SEMA3F: variants seen among roughly 807,000 people sequenced by gnomAD.
SEMA3F encodes the protein semaphorin-3F.
In SEMA3F, 30 loss-of-function variants were observed where a neutral mutation model predicts 98.5. That is an observed-to-expected ratio of 0.30 (90% CI 0.23 to 0.41). The LOEUF is 0.41. Ranked by LOEUF, SEMA3F falls within the 10% of genes least tolerant of loss-of-function variation. SEMA3F has a pLI of 1.00. For synonymous variants in SEMA3F, 380 were observed against 444.8 expected (o/e 0.85, Z 1.83); for missense variants, 866 against 1,119.3 (o/e 0.77, Z 3.23).
rs1427129629 is a variant in SEMA3F at position 50,184,706 on chromosome 3, C to T, written c.1348C>T (p.Arg450Trp). ...GTACCAGGCCGTGTACCCTCTGCAGCGGCGGCCCCTGGTAGTCCGCACAGG... is the reference window on the plus strand; with the variant it reads ...GTACCAGGCCGTGTACCCTCTGCAGTGGCGGCCCCTGGTAGTCCGCACAGG... Reference protein sequence around the residue: ...LMYQAVYPLQRRPLVVRTGAP... With the variant: ...LMYQAVYPLQWRPLVVRTGAP... The change falls in exon 13 of 19, where the codon CGG becomes TGG. Residue 450 changes from arginine to tryptophan, a missense_variant. Coordinates refer to ENST00000002829, the MANE Select transcript of SEMA3F (RefSeq NM_004186.5). The T allele has an allele frequency of 6.2e-6, 10 of 1,613,958 alleles. No homozygotes were observed. Among genetic ancestry groups the T allele is most frequent in the South Asian group, 4.4e-5 (4 of 91,088 alleles).
At chr3:50,169,597 G>A (rs949045145) in intron 2 of SEMA3F, among the ~76,000 whole-genome samples, 2 of 152,142 alleles carry the variant, frequency 1.3e-5, no homozygotes, top group Non-Finnish European at 2.9e-5. Context: ...CTCCCCCTAA[G>A]GTCAAAGCTT....
intron 6 of SEMA3F, among the ~76,000 whole-genome samples, chr3:50,176,035 C>T (rs1031177927): frequency 1.3e-5 from 2 of 152,024 alleles, no homozygotes; most frequent in Admixed American, 1.3e-4. Flanking sequence ...CTCTTGTGGC[C>T]TCTGTGCTCA....
At chr3:50,159,771 T>C in intron 2 of SEMA3F, 37 bp downstream of exon 2, 1 of 1,383,224 alleles carries the variant, frequency 7.2e-7, no homozygotes, top group Non-Finnish European at 1.0e-6. Flanking sequence ...GAAATCATCC[T>C]CTCTTTACAA....
chr3:50,183,471 C>T lies in SEMA3F; in HGVS notation c.1140C>T (p.Arg380=). Reference sequence around the variant, plus strand: ...GTGTCTACTCCATGGCTGATATTCGCATGGTCTTCAACGGGCCCTTTGCCC... The same window carrying T: ...GTGTCTACTCCATGGCTGATATTCGTATGGTCTTCAACGGGCCCTTTGCCC... ...AVCVYSMADI[R]MVFNGPFAHK... Residue 380 remains arginine (R), a synonymous_variant, in exon 12 of 19, where the codon CGC becomes CGT. Coordinates refer to ENST00000002829, the MANE Select transcript of SEMA3F (RefSeq NM_004186.5). 1 of 1,614,154 alleles carries T rather than the reference C, an allele frequency of 6.2e-7. No homozygotes were observed. The highest frequency in any genetic ancestry group is 1.3e-5 in the African/African-American group (1 of 75,068).
chr3:50,163,476 T>C (rs1698290177), intron 2 of SEMA3F, among the ~76,000 whole-genome samples: 1 of 152,258 alleles, frequency 6.6e-6, no homozygotes, highest in South Asian at 2.1e-4. Context: ...TCACATCATT[T>C]GCATGTGGCA....
At position 50,174,237 on chromosome 3, in the gene SEMA3F, T is replaced by C; in HGVS notation, c.343T>C (p.Cys115Arg). 1 of 1,613,500 alleles carries C rather than the reference T, an allele frequency of 6.2e-7. No individual in the cohort carries two copies. Among genetic ancestry groups the C allele is most frequent in the Non-Finnish European group, 8.5e-7 (1 of 1,179,912 alleles). Residue 115 changes from cysteine (C) to arginine (R), a missense_variant, in exon 5 of 19, where the codon TGT becomes CGT. Cys to Arg is a radical substitution (Grantham distance 180, BLOSUM62 -3). This residue lies in a region of SEMA3F where 247 missense variants were observed against 276.0 expected (regional missense o/e 0.89). Coordinates refer to ENST00000002829, the MANE Select transcript of SEMA3F (RefSeq NM_004186.5). ...GCCTTCCCTGTGGCCCCAGGGCGAGTGTGGGAACTTCGTCAGGCTCATCCA... is the reference window on the plus strand; with the variant it reads ...GCCTTCCCTGTGGCCCCAGGGCGAGCGTGGGAACTTCGTCAGGCTCATCCA... Reference protein sequence around the residue: ...VLSGKDVNGECGNFVRLIQPW... With the variant: ...VLSGKDVNGERGNFVRLIQPW...
intron 2 of SEMA3F, among the ~76,000 whole-genome samples, chr3:50,161,635 C>G (rs959673522): frequency 6.6e-6 from 1 of 152,226 alleles, no homozygotes; most frequent in East Asian, 1.9e-4. Flanking sequence ...TTCCCTGTTC[C>G]GACCTGGTCT....
intron 2 of SEMA3F, among the ~76,000 whole-genome samples, chr3:50,164,955 A>T (rs538314627): frequency 1.3e-5 from 2 of 152,236 alleles, no homozygotes; most frequent in African/African-American, 4.8e-5. Context: ...AGCGATCCTG[A>T]GGCTGGTGTG....
In SEMA3F at chr3:50,174,038, C is replaced by T; in HGVS notation, c.274-14C>T. 1 of 1,614,032 alleles carries T rather than the reference C, an allele frequency of 6.2e-7. No homozygotes were observed. The highest frequency in any genetic ancestry group is 8.5e-7 in the Non-Finnish European group (1 of 1,180,024). ...TGTCCAGAAGGCTGCACCTTCTGAC[C>T]CCCCTCTCTGCAGATACACTGGGCA... On this transcript the variant is annotated splice_polypyrimidine_tract_variant and intron_variant, in intron 3 of 18. Coordinates refer to ENST00000002829, the MANE Select transcript of SEMA3F (RefSeq NM_004186.5).
chr3:50,163,551 G>A (rs931497949), intron 2 of SEMA3F, among the ~76,000 whole-genome samples: 30 of 152,384 alleles, frequency 2.0e-4, no homozygotes, highest in African/African-American at 4.8e-4. Context: ...GTCACAGCCC[G>A]TTGACTTCCC....
chr3:50,173,907 A>G lies in SEMA3F; in HGVS notation c.227A>G (p.Tyr76Cys). 1 of 1,614,168 alleles carries G rather than the reference A, an allele frequency of 6.2e-7. No individual in the cohort carries two copies. The highest frequency in any genetic ancestry group is 8.5e-7 in the Non-Finnish European group (1 of 1,180,028). The change falls in exon 3 of 19, where the codon TAC becomes TGC. Residue 76 changes from tyrosine to cysteine, a missense_variant. Coordinates refer to ENST00000002829, the MANE Select transcript of SEMA3F (RefSeq NM_004186.5). ...CGCATGTACGTGGGCAGCAAGGACT[A>G]CGTGCTGTCCCTGGACCTGCACGAC... is the stretch of plus-strand genomic sequence containing the variant. ...HDRMYVGSKD[Y>C]VLSLDLHDIN...
Position 50,182,451 on chromosome 3 carries a change from G to A in SEMA3F, c.763+48G>A, listed in dbSNP as rs751187001. 31 of 1,609,138 alleles carry A rather than the reference G, an allele frequency of 1.9e-5. No homozygotes were observed. The highest frequency in any genetic ancestry group is 6.7e-5 in the Admixed American group (4 of 60,010). ...TTCCGTGGCCATGTGTCTGGGATGC[G>A]GCAAGGAGGTCGTAAAGAAGCACAT... On this transcript the variant is annotated intron_variant, in intron 8 of 18. Coordinates refer to ENST00000002829, the MANE Select transcript of SEMA3F (RefSeq NM_004186.5). This position sits in a 1 kb window ranked among gnomAD's most constrained non-coding sequence, Gnocchi z 4.5.
intron 2 of SEMA3F, among the ~76,000 whole-genome samples, chr3:50,167,551 A>G (rs927891315): frequency 1.6e-4 from 4 of 24,650 alleles, no homozygotes; most frequent in African/African-American, 6.0e-4. Context: ...TGCTGGCCCC[A>G]GCCCCCTGCC....
chr3:50,182,715 T>C lies in SEMA3F; in HGVS notation c.835T>C (p.Phe279Leu). ...ERNDDKLYFF[F>L]RERSAEAPQS... ...CAATGATGATAAGCTTTACTTCTTC[T>C]TCCGTGAGCGGTCGGCAGAGGCGCC... The change falls in exon 9 of 19, where the codon TTC becomes CTC. Residue 279 changes from phenylalanine to leucine, a missense_variant. Transcript: ENST00000002829. This position sits in a 1 kb window ranked among gnomAD's most constrained non-coding sequence, Gnocchi z 4.5. 1 of 1,613,620 alleles carries C rather than the reference T, an allele frequency of 6.2e-7. No individual in the cohort carries two copies. Among genetic ancestry groups the C allele is most frequent in the Non-Finnish European group, 8.5e-7 (1 of 1,180,030 alleles).
Position 50,188,452 on chromosome 3 carries a change from GCAAGCCCTACTCGGATGGGGCA to G in SEMA3F, c.*339_*360del, listed in dbSNP as rs1559742717. 1 of 152,708 alleles carries G rather than the reference GCAAGCCCTACTCGGATGGGGCA, an allele frequency of 6.5e-6. No homozygotes were observed. Among genetic ancestry groups the G allele is most frequent in the African/African-American group, 2.4e-5 (1 of 41,482 alleles). The allele number at this position is 152,708 out of a possible 1,614,324, so 9.5% of individuals were successfully genotyped here. A position where few individuals can be genotyped will look rare whatever the true frequency, so the allele number is the denominator to read the frequency against. On this transcript the variant is annotated 3_prime_UTR_variant, in exon 19 of 19. Transcript: ENST00000002829. The surrounding 1 kb of genome is among the most constrained non-coding windows in gnomAD (Gnocchi z 4.5). ...AAGATCTACAGGACAAAGGGAGGGA[GCAAGCCCTACTCGGATGGGGCA>G]CGGACTGTCCACCTTTTCTGATGTG...
At chr3:50,173,983 G>C (rs779604849) in intron 3 of SEMA3F, 30 bp downstream of exon 3, 1 of 1,613,944 alleles carries the variant, frequency 6.2e-7, no homozygotes, top group South Asian at 1.1e-5. Context: ...TGGGACGTGG[G>C]GTGGGCACGG....
intron 2 of SEMA3F, among the ~76,000 whole-genome samples, chr3:50,170,443 G>T (rs1698559024): frequency 6.6e-6 from 1 of 152,076 alleles, no homozygotes; most frequent in Non-Finnish European, 1.5e-5. Flanking sequence ...CCCTACAAGA[G>T]ATAGCGACAC....
Position 50,188,197 on chromosome 3 carries a change from AT to A in SEMA3F, c.*83del. ...AAGATATATATATATATATATATATATAAAATATCTATATTCTATACACACC... is the reference window on the plus strand; with the variant it reads ...AAGATATATATATATATATATATATAAAAATATCTATATTCTATACACACC... On this transcript the variant is annotated 3_prime_UTR_variant, in exon 19 of 19. Coordinates refer to ENST00000002829, the MANE Select transcript of SEMA3F (RefSeq NM_004186.5). The surrounding 1 kb of genome is among the most constrained non-coding windows in gnomAD (Gnocchi z 4.5). 5 of 461,246 alleles carry A rather than the reference AT, an allele frequency of 1.1e-5. No homozygotes were observed. The highest frequency in any genetic ancestry group is 4.9e-5 in the East Asian group (1 of 20,266). 28.6% of individuals were successfully genotyped at this position (461,246 alleles called of 1,614,324 possible).
At position 50,158,668 on chromosome 3, in the gene SEMA3F, G is replaced by A. The variant is rs1297866646; in HGVS notation, c.-48-907G>A. Among the ~76,000 whole-genome samples, 2 of 152,230 alleles carry A rather than the reference G, an allele frequency of 1.3e-5. No homozygotes were observed. Among genetic ancestry groups the A allele is most frequent in the Non-Finnish European group, 2.9e-5 (2 of 68,038 alleles). On this transcript the variant is annotated intron_variant, in intron 1 of 18. Transcript: ENST00000002829. The surrounding 1 kb of genome is among the most constrained non-coding windows in gnomAD (Gnocchi z 4.8). Reference sequence around the variant, plus strand: ...GCCCCCACCCGCAGTGCATCCGGTTGGGGGTGGTGGTAGGAGTTGGCGCTG... The same window carrying A: ...GCCCCCACCCGCAGTGCATCCGGTTAGGGGTGGTGGTAGGAGTTGGCGCTG...
Sources: allele counts gnomAD v4.1 joint callset (sites outside exome capture counted in the v4.1 genomes callset), GRCh38; gene constraint gnomAD v4.1.1; regional missense constraint gnomAD v4.1.1; non-coding constraint Gnocchi (gnomAD v3.1); transcripts MANE v1.5; gene names NCBI Gene and HGNC (gene_info 2026-07-23, HGNC 2026-07-21).